Variants in MICU1 observed in about 807,000 individuals in gnomAD.
MICU1 encodes mitochondrial calcium uptake 1, also known as calcium uptake protein 1, mitochondrial.
A neutral mutation model predicts 56.8 loss-of-function variants in MICU1; 45 were observed. The ratio of observed to expected loss-of-function variants is 0.79; its 90% CI spans 0.62 to 1.02. The LOEUF (loss-of-function observed/expected upper bound fraction) is 1.02. Among genes scored for constraint, MICU1 ranks in the 50% least tolerant of loss-of-function variants. The pLI, the probability that MICU1 is intolerant of heterozygous loss-of-function variation, is 0.00. For missense variants in MICU1, 504 were observed against 587.1 expected, an observed-to-expected ratio of 0.86 and a Z score of 1.46; for synonymous variants, 186 against 195.1, an observed-to-expected ratio of 0.95 and a Z score of 0.39.
chr10:72,549,111 G>C (rs1275030543), intron 4 of MICU1, among the ~76,000 whole-genome samples: 1 of 151,582 alleles, frequency 6.6e-6, no homozygotes. Context: ...AAAATATTAC[G>C]AACTTTCTGG....
intron 11 of MICU1, among the ~76,000 whole-genome samples, chr10:72,370,415 T>C (rs1862295335): frequency 6.6e-6 from 1 of 152,042 alleles, no homozygotes; most frequent in African/African-American, 2.4e-5. Context: ...ACCCAAAACC[T>C]AAACTGGCTC....
intron 6 of MICU1, among the ~76,000 whole-genome samples, chr10:72,494,771 A>G (rs1421389613): frequency 5.9e-5 from 9 of 151,808 alleles, no homozygotes; most frequent in Admixed American, 5.9e-4. Flanking sequence ...CTATACAGGC[A>G]TTTATTCCTT....
chr10:72,450,635 G>T (rs1160529136), intron 8 of MICU1, among the ~76,000 whole-genome samples: 1 of 151,908 alleles, frequency 6.6e-6, no homozygotes, highest in Middle Eastern at 3.4e-3. Flanking sequence ...ATCATGCTTT[G>T]TTTCTGCCTT....
intron 10 of MICU1, among the ~76,000 whole-genome samples, chr10:72,397,257 T>C (rs1201992111): frequency 6.6e-6 from 1 of 152,188 alleles, no homozygotes; most frequent in Non-Finnish European, 1.5e-5. Flanking sequence ...CCACCAAGCC[T>C]GCCTTATAAG....
At chr10:72,435,388 A>C (rs1864677724) in intron 8 of MICU1, among the ~76,000 whole-genome samples, 1 of 137,138 alleles carries the variant, frequency 7.3e-6, no homozygotes, top group Non-Finnish European at 1.5e-5. Context: ...CCTGTTACAA[A>C]AAAAAAAAAA....
chr10:72,621,473 C>T (rs1842103625), intron 1 of MICU1, among the ~76,000 whole-genome samples: 1 of 151,902 alleles, frequency 6.6e-6, no homozygotes. Context: ...GCCTGGGCGA[C>T]AAGTGTAAAA....
At chr10:72,428,386 A>C (rs1864417284) in intron 8 of MICU1, among the ~76,000 whole-genome samples, 1 of 152,182 alleles carries the variant, frequency 6.6e-6, no homozygotes, top group Admixed American at 6.5e-5. Context: ...CGCGATCTCC[A>C]CTGCAACCTC....
intron 8 of MICU1, among the ~76,000 whole-genome samples, chr10:72,468,130 G>A (rs903469329): frequency 9.2e-5 from 14 of 152,030 alleles, no homozygotes; most frequent in Admixed American, 3.3e-4. Context: ...CCATCGTGCC[G>A]GGCCAAAATG....
intron 1 of MICU1, among the ~76,000 whole-genome samples, chr10:72,620,921 C>T (rs549567141): frequency 2.0e-5 from 3 of 152,242 alleles, no homozygotes; most frequent in Admixed American, 1.3e-4. Context: ...TCCACTCTAT[C>T]GTGCTCTTAA....
At chr10:72,517,136 C>G (rs181316347) in intron 5 of MICU1, among the ~76,000 whole-genome samples, 1 of 151,996 alleles carries the variant, frequency 6.6e-6, no homozygotes, top group Admixed American at 6.6e-5. Context: ...CAAATAAATA[C>G]GTCAAAATTT....
intron 1 of MICU1, among the ~76,000 whole-genome samples, chr10:72,614,820 T>C (rs1841938677): frequency 6.6e-6 from 1 of 152,170 alleles, no homozygotes; most frequent in East Asian, 1.9e-4. Flanking sequence ...TGGGAAGTAG[T>C]TTTGGAAATG....
intron 6 of MICU1, among the ~76,000 whole-genome samples, chr10:72,480,558 A>G (rs1290882915): frequency 6.6e-6 from 1 of 152,254 alleles, no homozygotes; most frequent in Non-Finnish European, 1.5e-5. Flanking sequence ...GTGGAAGCCA[A>G]TGTTTAAAGT....
intron 8 of MICU1, among the ~76,000 whole-genome samples, chr10:72,465,048 T>A (rs1865746874): frequency 6.6e-6 from 1 of 152,208 alleles, no homozygotes; most frequent in South Asian, 2.1e-4. Context: ...TCGCCCAGGC[T>A]GGAGTGCAAT....
At chr10:72,436,211 A>G (rs925055368) in intron 8 of MICU1, among the ~76,000 whole-genome samples, 2 of 151,734 alleles carry the variant, frequency 1.3e-5, no homozygotes, top group African/African-American at 4.9e-5. Context: ...AGGCAGCAAT[A>G]TTTGCTGTTC....
chr10:72,421,366 C>T (rs1864168443), intron 9 of MICU1, among the ~76,000 whole-genome samples: 1 of 151,902 alleles, frequency 6.6e-6, no homozygotes, highest in African/African-American at 2.4e-5. Context: ...CCTCCCTTCC[C>T]CGGGTTCAAG....
At chr10:72,574,925 C>CA (rs1486587670) in intron 1 of MICU1, among the ~76,000 whole-genome samples, 1 of 151,436 alleles carries the variant, frequency 6.6e-6, no homozygotes, top group Non-Finnish European at 1.5e-5. Flanking sequence ...CAAGTGCGCT[C>CA]AAAAAAAGGA....
chr10:72,417,086 A>C (rs140973233), intron 9 of MICU1, among the ~76,000 whole-genome samples: 1 of 152,322 alleles, frequency 6.6e-6, no homozygotes, highest in African/African-American at 2.4e-5. Context: ...ATTGAATATA[A>C]ATGTGAATAT....
intron 1 of MICU1, among the ~76,000 whole-genome samples, chr10:72,590,518 A>G (rs1332372809): frequency 1.3e-5 from 2 of 152,128 alleles, no homozygotes; most frequent in Non-Finnish European, 2.9e-5. Context: ...TAAGTAAGAA[A>G]ACAGAAGACA....
intron 10 of MICU1, among the ~76,000 whole-genome samples, chr10:72,382,945 A>G (rs1241139178): frequency 6.6e-6 from 1 of 152,190 alleles, no homozygotes; most frequent in Admixed American, 6.5e-5. Context: ...TTGTTTAAAT[A>G]TTCATTCTGT....
Sources: gnomAD v4.1 joint callset for allele counts (sites outside exome capture counted in the v4.1 genomes callset) on GRCh38, gnomAD v4.1.1 for gene constraint, MANE v1.5 for transcripts, NCBI Gene and HGNC (gene_info 2026-07-23, HGNC 2026-07-21) for gene names.